The following JPH1 variants were observed in gnomAD, a reference collection of about 807,000 sequenced individuals.
JPH1 encodes junctophilin 1.
A neutral mutation model predicts 53.6 loss-of-function variants in JPH1; 12 were observed. That is an observed-to-expected ratio of 0.22 (90% CI 0.14 to 0.36). The LOEUF (loss-of-function observed/expected upper bound fraction) is 0.36, where lower values mean the gene tolerates loss of function less well. JPH1 is among the 10% of genes least tolerant of loss of function. The pLI is 1.00. For synonymous variants in JPH1, 375 were observed against 363.8 expected (o/e 1.03, Z -0.35); for missense variants, 808 against 905.5 (o/e 0.89, Z 1.38).
intron 4 of JPH1, among the ~76,000 whole-genome samples, chr8:74,242,001 C>T (rs974422968): frequency 3.3e-5 from 5 of 152,144 alleles, no homozygotes; most frequent in African/African-American, 4.8e-5. Context: ...ACATTGAATG[C>T]GTGCCCCTAG....
chr8:74,312,388 A>T (rs1249565941), intron 2 of JPH1, among the ~76,000 whole-genome samples: 1 of 152,036 alleles, frequency 6.6e-6, no homozygotes, highest in Non-Finnish European at 1.5e-5. Context: ...AGTAACTAGG[A>T]CAGGTGTGCG....
chr8:74,265,844 C>T (rs1008637403), intron 2 of JPH1, among the ~76,000 whole-genome samples: 1 of 151,692 alleles, frequency 6.6e-6, no homozygotes, highest in African/African-American at 2.4e-5. Context: ...ACACAAATGT[C>T]CAATAAGCAC....
chr8:74,262,922 C>A (rs1353522298), intron 2 of JPH1, among the ~76,000 whole-genome samples: 2 of 152,334 alleles, frequency 1.3e-5, no homozygotes, highest in South Asian at 2.1e-4. Flanking sequence ...AACTTAATGA[C>A]AAATTATTTT....
At chr8:74,302,818 T>C (rs1807721257) in intron 2 of JPH1, among the ~76,000 whole-genome samples, 1 of 152,202 alleles carries the variant, frequency 6.6e-6, no homozygotes, top group South Asian at 2.1e-4. Context: ...ACAGGTTTTG[T>C]TTCTTATTCA....
Position 74,255,540 on chromosome 8 carries a change from C to T in JPH1, c.1258+3845G>A, listed in dbSNP as rs544761192. The stretch of plus-strand genomic sequence containing the variant: ...CAATGGCAACAAAAGCCAAAATTGA[C>T]AAATGGGATCTAATTAAACTCAAGA... On this transcript the variant is annotated intron_variant, in intron 3 of 5. Coordinates refer to ENST00000342232, the MANE Select transcript of JPH1 (RefSeq NM_020647.4). 2.9e-3 allele frequency among the ~76,000 whole-genome samples: 435 copies of T among 152,200 alleles called. 6 individuals carry two copies. The highest frequency in any genetic ancestry group is 9.8e-3 in the African/African-American group (407 of 41,446).
intron 2 of JPH1, among the ~76,000 whole-genome samples, chr8:74,276,523 T>G (rs542568797): frequency 6.6e-6 from 1 of 152,238 alleles, no homozygotes; most frequent in Non-Finnish European, 1.5e-5. Context: ...ACTGACGATA[T>G]TAAGTCAATC....
rs199686830 is a variant in JPH1, at chr8:74,321,300, C to T, written c.-13G>A. On this transcript the variant is annotated 5_prime_UTR_variant, in exon 1 of 6. Coordinates refer to ENST00000342232, the MANE Select transcript of JPH1 (RefSeq NM_020647.4). This position sits in a 1 kb window ranked among gnomAD's most constrained non-coding sequence, Gnocchi z 4.3. ...TTCCGCCCGTCATTCGGGGGGCAGC[C>T]CCGGCGCGCTCCCCGCAGGGGCACG... The T allele has an allele frequency of 5.5e-3, 8,525 of 1,536,288 alleles. 43 individuals are homozygous for T. The highest frequency in any genetic ancestry group is 6.9e-3 in the Non-Finnish European group (7,904 of 1,141,636).
chr8:74,255,806 G>A (rs1228430328), intron 3 of JPH1, among the ~76,000 whole-genome samples: 1 of 152,166 alleles, frequency 6.6e-6, no homozygotes, highest in African/African-American at 2.4e-5. Context: ...CATCATCACT[G>A]GCCATCAGAG....
chr8:74,267,044 C>T (rs1246913915), intron 2 of JPH1, among the ~76,000 whole-genome samples: 1 of 152,108 alleles, frequency 6.6e-6, no homozygotes, highest in South Asian at 2.1e-4. Flanking sequence ...TAAAAGATAA[C>T]CCCAAGATTT....
At chr8:74,289,982 T>C (rs1202370037) in intron 2 of JPH1, among the ~76,000 whole-genome samples, 2 of 152,206 alleles carry the variant, frequency 1.3e-5, no homozygotes, top group Admixed American at 6.5e-5. Flanking sequence ...CAGTATTTTA[T>C]TGAGGATTTT....
At chr8:74,269,659 G>A (rs1479003225) in intron 2 of JPH1, among the ~76,000 whole-genome samples, 1 of 152,140 alleles carries the variant, frequency 6.6e-6, no homozygotes, top group African/African-American at 2.4e-5. Context: ...GAACTGAAAG[G>A]GGCTCTGAGA....
At chr8:74,239,547 T>TA (rs1248956942) in intron 4 of JPH1, among the ~76,000 whole-genome samples, 4 of 152,210 alleles carry the variant, frequency 2.6e-5, no homozygotes, top group African/African-American at 9.7e-5. Context: ...CAATTATGGT[T>TA]AATTTAGAGC....
Position 74,320,929 on chromosome 8 carries a change from A to G in JPH1, c.359T>C (p.Val120Ala). 6.3e-7 allele frequency: 1 copy of G among 1,586,310 alleles called. No individual in the cohort carries two copies. The highest frequency in any genetic ancestry group is 8.6e-7 in the Non-Finnish European group (1 of 1,166,774). ...WSNGLQDGYGVETYGDGGTYQ... is the reference protein window; with the variant it reads ...WSNGLQDGYGAETYGDGGTYQ... ...CTCACCTCCGTCCCCGTAGGTCTCC[A>G]CGCCGTACCCGTCTTGCAGCCCGTT... The change falls in exon 1 of 6, where the codon GTG becomes GCG. Residue 120 changes from valine (V) to alanine (A), a missense_variant. This residue lies in a region of JPH1 where 756 missense variants were observed against 811.9 expected (regional missense o/e 0.93). Transcript: ENST00000342232. This position sits in a 1 kb window ranked among gnomAD's most constrained non-coding sequence, Gnocchi z 4.4.
intron 2 of JPH1, among the ~76,000 whole-genome samples, chr8:74,299,399 G>C (rs1429793833): frequency 6.6e-6 from 1 of 152,102 alleles, no homozygotes; most frequent in Non-Finnish European, 1.5e-5. Flanking sequence ...CCTAAATGGA[G>C]TTGTATACAG....
In JPH1 at chr8:74,244,840, A is replaced by ACCG; in HGVS notation, c.1593_1594insCGG (p.Lys531_Tyr532insArg). The ACCG allele has an allele frequency of 6.2e-7, 1 of 1,614,158 alleles. No individual in the cohort carries two copies. The highest frequency in any genetic ancestry group is 2.2e-5 in the East Asian group (1 of 44,880). ...TTGGGGATGTGGTGGCGGCCAGAGT[A>ACCG]CTTGGACTGGGGCACAACCGCTCCT... On this transcript the variant is annotated inframe_insertion, in exon 4 of 6. Coordinates refer to ENST00000342232, the MANE Select transcript of JPH1 (RefSeq NM_020647.4).
intron 3 of JPH1, 101 bp downstream of exon 3, chr8:74,259,284 G>A: frequency 1.1e-6 from 1 of 905,764 alleles, no homozygotes; most frequent in South Asian, 1.6e-5. Context: ...TAGTACTGCT[G>A]GGATTCAGGA....
At chr8:74,257,971 C>T (rs1806286172) in intron 3 of JPH1, among the ~76,000 whole-genome samples, 1 of 151,932 alleles carries the variant, frequency 6.6e-6, no homozygotes, top group Non-Finnish European at 1.5e-5. Flanking sequence ...CAGGAACCTC[C>T]TGCCCCCATT....
chr8:74,279,718 TA>T (rs1806955070), intron 2 of JPH1, among the ~76,000 whole-genome samples: 1 of 152,176 alleles, frequency 6.6e-6, no homozygotes, highest in African/African-American at 2.4e-5. Context: ...TAAAAGCAGA[TA>T]AAAGTGTGTA....
rs1050408481 is a variant in JPH1, at chr8:74,236,245, A to T, written c.*806T>A. On this transcript the variant is annotated 3_prime_UTR_variant, in exon 6 of 6. Coordinates refer to ENST00000342232, the MANE Select transcript of JPH1 (RefSeq NM_020647.4). Reference sequence around the variant, plus strand: ...ATAAATAACCTTTTACAAGTATAGGAAGAATAAATGACATAAAAGATGGTA... The same window carrying T: ...ATAAATAACCTTTTACAAGTATAGGTAGAATAAATGACATAAAAGATGGTA... The T allele has an allele frequency of 6.6e-6, 1 of 152,248 alleles. No homozygotes were observed. Among genetic ancestry groups the T allele is most frequent in the Non-Finnish European group, 1.5e-5 (1 of 68,050 alleles). 9.4% of individuals were successfully genotyped at this position (152,248 alleles called of 1,614,324 possible). A position where few individuals can be genotyped will look rare whatever the true frequency, so the allele number is the denominator to read the frequency against.
Sources: allele counts gnomAD v4.1 joint callset (sites outside exome capture counted in the v4.1 genomes callset), GRCh38; gene constraint gnomAD v4.1.1; regional missense constraint gnomAD v4.1.1; non-coding constraint Gnocchi (gnomAD v3.1); transcripts MANE v1.5; gene names NCBI Gene and HGNC (gene_info 2026-07-23, HGNC 2026-07-21).